The following MPPED1 variants were observed in gnomAD, a reference collection of about 807,000 sequenced individuals.
MPPED1 encodes metallophosphoesterase domain-containing protein 1.
MPPED1 carries 16 observed loss-of-function variants against 36.2 expected under a neutral mutation model. That is an observed-to-expected ratio of 0.44 (90% CI 0.30 to 0.67). MPPED1 has a LOEUF of 0.67. MPPED1 is among the 30% of genes least tolerant of loss of function. The pLI is 0.10. For synonymous variants in MPPED1, 199 were observed against 191.3 expected (o/e 1.04, Z -0.33); for missense variants, 307 against 453.4 (o/e 0.68, Z 2.93).
In MPPED1 at chr22:43,505,708, C is replaced by A; in HGVS notation, c.*92C>A. The A allele has an allele frequency of 8.5e-7, 1 of 1,174,970 alleles. No individual in the cohort carries two copies. Among genetic ancestry groups the A allele is most frequent in the Non-Finnish European group, 1.2e-6 (1 of 817,694 alleles). 72.8% of individuals were successfully genotyped at this position (1,174,970 alleles called of 1,614,324 possible). The stretch of plus-strand genomic sequence containing the variant: ...CTTCCATGCTGAGTTGCCTGGACGA[C>A]CCATCTGGCTGCGGGGACTGGCCTA... On this transcript the variant is annotated 3_prime_UTR_variant, in exon 7 of 7. Coordinates refer to ENST00000443721, the MANE Select transcript of MPPED1 (RefSeq NM_001044370.2).
At position 43,487,246 on chromosome 22, in the gene MPPED1, C is replaced by T. The variant is rs368943406; in HGVS notation, c.633-10989C>T. Among the ~76,000 whole-genome samples the T allele has an allele frequency of 2.0e-4, 30 of 152,202 alleles. No individual in the cohort carries two copies. In the Middle Eastern group the frequency reaches 0.014, roughly 69 times the overall value. On this transcript the variant is annotated intron_variant, in intron 4 of 6. Coordinates refer to ENST00000443721, the MANE Select transcript of MPPED1 (RefSeq NM_001044370.2). ...CTGCTGGAAGAGGTGGCCTTTGAGC[C>T]GGTCCTTAATAAAATACGGGTCGTG...
chr22:43,481,438 T>C (rs1395905573), intron 4 of MPPED1, among the ~76,000 whole-genome samples: 2 of 152,188 alleles, frequency 1.3e-5, no homozygotes, highest in East Asian at 1.9e-4. Flanking sequence ...TGAGGCTTCA[T>C]AGGGGCAGGG....
chr22:43,485,159 TCA>T (rs1931872116), intron 4 of MPPED1, among the ~76,000 whole-genome samples: 1 of 151,920 alleles, frequency 6.6e-6, no homozygotes, highest in Admixed American at 6.6e-5. Flanking sequence ...CATATGACAT[TCA>T]CATATACACA....
At chr22:43,489,578 G>A (rs1483408161) in intron 4 of MPPED1, among the ~76,000 whole-genome samples, 2 of 152,000 alleles carry the variant, frequency 1.3e-5, no homozygotes, top group African/African-American at 4.8e-5. Flanking sequence ...GAGTGCAGTG[G>A]CATGATCTCA....
chr22:43,476,357 C>T (rs1266205419), intron 4 of MPPED1, among the ~76,000 whole-genome samples: 1 of 151,996 alleles, frequency 6.6e-6, no homozygotes, highest in Non-Finnish European at 1.5e-5. Context: ...GTGGGGTAAC[C>T]TGAGCCTTGA....
chr22:43,487,602 C>T (rs1020312423), intron 4 of MPPED1, among the ~76,000 whole-genome samples: 10 of 152,060 alleles, frequency 6.6e-5, no homozygotes, highest in African/African-American at 2.2e-4. Context: ...TCTGTCCAGT[C>T]GGGGTTAAGA....
rs1387857568 is a variant in MPPED1, at chr22:43,500,181, GTGA to G, written c.748+1834_748+1836del. On this transcript the variant is annotated intron_variant, in intron 5 of 6. Transcript: ENST00000443721. ...GGTGGTGATGGTGATGGAGGTGGTG[GTGA>G]TGGTGATGGAGGTGGTAATGGAGGT... Among the ~76,000 whole-genome samples, 143 of 40,470 alleles carry G rather than the reference GTGA, an allele frequency of 3.5e-3. 4 individuals are homozygous for G. The highest frequency in any genetic ancestry group is 5.1e-3 in the East Asian group (6 of 1,178). The allele number at this position is 40,470 out of a possible 152,430, so 26.5% of individuals were successfully genotyped here.
Position 43,459,661 on chromosome 22 carries a change from A to G in MPPED1, c.407-15075A>G, listed in dbSNP as rs561943780. 4.6e-5 allele frequency among the ~76,000 whole-genome samples: 7 copies of G among 152,316 alleles called. 1 individual carries two copies. The highest frequency in any genetic ancestry group is 1.7e-4 in the African/African-American group (7 of 41,570). ...AGGTATTTTACTTTTCAACTCCAGA[A>G]TTGGATTCTTTTTTATAGTTATATC... On this transcript the variant is annotated intron_variant, in intron 3 of 6. Coordinates refer to ENST00000443721, the MANE Select transcript of MPPED1 (RefSeq NM_001044370.2).
At position 43,412,510 on chromosome 22, in the gene MPPED1, A is replaced by G. The variant is rs1928937512; in HGVS notation, c.-79+352A>G. Among the ~76,000 whole-genome samples the G allele has an allele frequency of 2.0e-5, 3 of 152,154 alleles. No homozygotes were observed. The South Asian group carries it at 6.2e-4, about 31-fold the overall frequency. On this transcript the variant is annotated intron_variant, in intron 1 of 6. Transcript: ENST00000443721. ...CAGTGATGATGATAGTGGTAACAATAGCAGCCCCCGCTTGTAGAGAGCCTA... is the reference window on the plus strand; with the variant it reads ...CAGTGATGATGATAGTGGTAACAATGGCAGCCCCCGCTTGTAGAGAGCCTA...
chr22:43,497,025 A>AGGTGGTGGTGGTGG (rs1320222209), intron 4 of MPPED1, among the ~76,000 whole-genome samples: 4 of 98,534 alleles, frequency 4.1e-5, no homozygotes, highest in African/African-American at 8.5e-5. Context: ...GTGGTGGTGG[A>AGGTGGTGGTGGTGG]AGTGGTGGTG....
At chr22:43,436,976 G>A (rs1301701345) in intron 3 of MPPED1, among the ~76,000 whole-genome samples, 2 of 152,190 alleles carry the variant, frequency 1.3e-5, no homozygotes, top group Admixed American at 6.5e-5. Context: ...ACTTGTAAAG[G>A]GGTCTTCCTT....
chr22:43,484,060 T>A (rs888001810), intron 4 of MPPED1, among the ~76,000 whole-genome samples: 1 of 152,252 alleles, frequency 6.6e-6, no homozygotes, highest in Admixed American at 6.5e-5. Context: ...ATTAGGACTA[T>A]GTCGCCTGGT....
At chr22:43,460,199 C>T (rs183063517) in intron 3 of MPPED1, among the ~76,000 whole-genome samples, 1 of 147,852 alleles carries the variant, frequency 6.8e-6, no homozygotes, top group Non-Finnish European at 1.5e-5. Context: ...GAGTGAGACT[C>T]CATCTCAAAA....
chr22:43,417,806 T>C (rs552550447), intron 1 of MPPED1: 3 of 293,426 alleles, frequency 1.0e-5, no homozygotes, highest in Admixed American at 4.4e-5. Flanking sequence ...AGCTGCACTT[T>C]TGGCTGTCCC....
intron 2 of MPPED1, among the ~76,000 whole-genome samples, chr22:43,428,935 G>A (rs1929578890): frequency 1.3e-5 from 2 of 152,048 alleles, no homozygotes; most frequent in Admixed American, 6.5e-5. Context: ...GGGGGACAGG[G>A]TTATCCTGGA....
At chr22:43,467,596 C>T (rs1045013632) in intron 3 of MPPED1, among the ~76,000 whole-genome samples, 1 of 152,168 alleles carries the variant, frequency 6.6e-6, no homozygotes, top group East Asian at 1.9e-4. Flanking sequence ...CTAGACCATG[C>T]GCCATACCGA....
rs68064353 is a variant in MPPED1 at position 43,506,325 on chromosome 22, C to G, written c.*709C>G. The G allele has an allele frequency of 0.042, 6,381 of 152,742 alleles. 139 individuals are homozygous for G. The highest frequency in any genetic ancestry group is 0.054 in the South Asian group (260 of 4,824). 9.5% of individuals were successfully genotyped at this position (152,742 alleles called of 1,614,324 possible). ...CAGAATGAGCCACTGGCATTCGTGCCCAGGACCAGTGAGAGCGTTCCCAGT... is the reference window on the plus strand; with the variant it reads ...CAGAATGAGCCACTGGCATTCGTGCGCAGGACCAGTGAGAGCGTTCCCAGT... On this transcript the variant is annotated 3_prime_UTR_variant, in exon 7 of 7. Coordinates refer to ENST00000443721, the MANE Select transcript of MPPED1 (RefSeq NM_001044370.2).
At chr22:43,441,886 A>G (rs1458971704) in intron 3 of MPPED1, among the ~76,000 whole-genome samples, 1 of 152,130 alleles carries the variant, frequency 6.6e-6, no homozygotes, top group Non-Finnish European at 1.5e-5. Flanking sequence ...GCCACACACA[A>G]TCGTTTTGCC....
intron 3 of MPPED1, among the ~76,000 whole-genome samples, chr22:43,438,222 T>C (rs112744568): frequency 0.032 from 4,873 of 152,150 alleles, 274 homozygotes; most frequent in African/African-American, 0.11. Flanking sequence ...CCTGGGGACG[T>C]GTGGTGATGG....
Sources: gnomAD v4.1 joint callset for allele counts (sites outside exome capture counted in the v4.1 genomes callset) on GRCh38, gnomAD v4.1.1 for gene constraint, MANE v1.5 for transcripts, NCBI Gene and HGNC (gene_info 2026-07-23, HGNC 2026-07-21) for gene names.